The following LRRC24 variants were observed in gnomAD, a reference collection of about 807,000 sequenced individuals.
The protein encoded by LRRC24 is leucine-rich repeat-containing protein 24.
LRRC24 carries 19 observed loss-of-function variants against 15.3 expected under a neutral mutation model. That is an observed-to-expected ratio of 1.25 (90% confidence interval 0.87 to 1.83). The LOEUF is 1.83. Among genes scored for constraint, LRRC24 ranks in the 40% most tolerant of loss-of-function variants. LRRC24 has a pLI of 0.00. For synonymous variants in LRRC24, 469 were observed against 359.6 expected (o/e 1.30, Z -3.44); for missense variants, 914 against 723.9 (o/e 1.26, Z -3.01).
At position 144,523,047 on chromosome 8, in the gene LRRC24, C is replaced by G; in HGVS notation, c.970G>C (p.Asp324His). Reference sequence around the variant, plus strand: ...AGGAAGAGCATGCCGCTGCCCGTGTCGGATGCCGAGTGTCCGCCCAGGCCC... The same window carrying G: ...AGGAAGAGCATGCCGCTGCCCGTGTGGGATGCCGAGTGTCCGCCCAGGCCC... Reference protein sequence around the residue: ...LLGLGGHSASDTGSGMLFLSN... With the variant: ...LLGLGGHSASHTGSGMLFLSN... Residue 324 changes from aspartate to histidine, a missense_variant, in exon 5 of 5, where the codon GAC (aspartate) becomes CAC (histidine). By Grantham distance (81) the Asp-to-His change is moderately conservative. Transcript: ENST00000529415. The G allele has an allele frequency of 6.2e-7, 1 of 1,603,004 alleles. No homozygotes were observed. The highest frequency in any genetic ancestry group is 8.5e-7 in the Non-Finnish European group (1 of 1,176,540).
chr8:144,523,461 C>T (rs751408768), intron 4 of LRRC24, 52 bp from the exon 5 acceptor site: 9 of 1,495,688 alleles, frequency 6.0e-6, no homozygotes, highest in East Asian at 4.7e-5. Context: ...CTAAAACAGC[C>T]TGTGCAGTTG....
intron 1 of LRRC24, 124 bp downstream of exon 1, chr8:144,526,836 C>T (rs1198014890): frequency 6.6e-6 from 1 of 152,218 alleles, no homozygotes; most frequent in Non-Finnish European, 1.5e-5. Context: ...GGCGTGGCCT[C>T]CGCGTTCCCC....
In LRRC24 at chr8:144,524,939, C is replaced by A. The variant is rs770010100; in HGVS notation, c.36G>T (p.Leu12=). 48 of 1,505,770 alleles carry A rather than the reference C, an allele frequency of 3.2e-5. 1 individual carries two copies. The highest frequency in any genetic ancestry group is 4.7e-4 in the Middle Eastern group (2 of 4,284). 93.3% of individuals were successfully genotyped at this position (1,505,770 alleles called of 1,614,324 possible). ...ALRAPALLPL[L]LLLLPLRAAG... ...CGGCGCGGAGCGGCAGTAGTAGCAG[C>A]AGCAGCGGCAGCAGTGCGGGGGCCC... The change falls in exon 2 of 5, where the codon CTG becomes CTT. Residue 12 remains leucine (L), a synonymous_variant. Coordinates refer to ENST00000529415, the MANE Select transcript of LRRC24 (RefSeq NM_001024678.4).
chr8:144,522,727 G>A lies in LRRC24; in HGVS notation c.1290C>T (p.Arg430=). 1 of 1,592,632 alleles carries A rather than the reference G, an allele frequency of 6.3e-7. No individual in the cohort carries two copies. The highest frequency in any genetic ancestry group is 8.5e-7 in the Non-Finnish European group (1 of 1,171,062). The change falls in exon 5 of 5, where the codon CGC becomes CGT. Residue 430 remains arginine (R), a synonymous_variant. Transcript: ENST00000529415. ...LLVAMICRRR[R]RRKKARGPPG... ...GAGGCCCCCGCGCCTTTTTTCGCCT[G>A]CGGCGCCGGCGACAGATCATGGCGA...
chr8:144,523,812 C>T (rs1176702499), intron 4 of LRRC24: 3 of 464,412 alleles, frequency 6.5e-6, no homozygotes, highest in Non-Finnish European at 1.1e-5. Context: ...CAGTCCTGGT[C>T]AGCTGTCTCT....
At position 144,523,191 on chromosome 8, in the gene LRRC24, C is replaced by T. The variant is rs779635249; in HGVS notation, c.826G>A (p.Asp276Asn). 1.7e-5 allele frequency: 27 copies of T among 1,609,616 alleles called. No homozygotes were observed. In the African/African-American group the frequency reaches 3.3e-4, roughly 20 times the overall value. ...GAGGCTTGGCAGGCAACCCGCAGGT[C>T]CTCACCCAGGTTGGCTGTGAGCTCC... Reference protein sequence around the residue: ...PLELTANLGEDLRVACQASGY... With the variant: ...PLELTANLGENLRVACQASGY... The change falls in exon 5 of 5, where the codon GAC becomes AAC. Residue 276 changes from aspartate to asparagine, a missense_variant. Asp to Asn is a conservative substitution (Grantham distance 23, BLOSUM62 1). Coordinates refer to ENST00000529415, the MANE Select transcript of LRRC24 (RefSeq NM_001024678.4).
Position 144,522,979 on chromosome 8 carries a change from C to T in LRRC24, c.1038G>A (p.Glu346=), listed in dbSNP as rs1224048880. 7.5e-6 allele frequency: 12 copies of T among 1,591,806 alleles called. 1 individual carries two copies. The Admixed American group carries it at 1.4e-4, about 18-fold the overall frequency. ...GGGCAGCGCCGCCGGCGTTGGAGGC[C>T]TCGCACTCGTACTTACCGGCGTGCG... ...TLAHAGKYEC[E]ASNAGGAARV... Residue 346 remains glutamate (E), a synonymous_variant, in exon 5 of 5, where the codon GAG becomes GAA. Coordinates refer to ENST00000529415, the MANE Select transcript of LRRC24 (RefSeq NM_001024678.4).
intron 1 of LRRC24, 35 bp from the exon 2 acceptor site, chr8:144,525,068 C>T (rs760677666): frequency 3.8e-5 from 51 of 1,329,380 alleles, no homozygotes; most frequent in Non-Finnish European, 4.6e-5. Context: ...TCTCGGCAGT[C>T]GAGAGCCAGC....
Position 144,523,113 on chromosome 8 carries a change from C to T in LRRC24, c.904G>A (p.Gly302Ser), listed in dbSNP as rs1816193767. 1 of 1,609,644 alleles carries T rather than the reference C, an allele frequency of 6.2e-7. No homozygotes were observed. The highest frequency in any genetic ancestry group is 8.5e-7 in the Non-Finnish European group (1 of 1,179,544). ...TWRKVPQPREGRPRAQAQLEG... is the reference protein window; with the variant it reads ...TWRKVPQPRESRPRAQAQLEG... ...AGCTGGGCCTGGGCTCGCGGCCGGC[C>T]CTCGCGAGGCTGGGGCACCTTTCTC... The change falls in exon 5 of 5, where the codon GGC becomes AGC. Residue 302 changes from glycine (G) to serine (S), a missense_variant. Gly to Ser is a moderately conservative substitution (Grantham distance 56). Transcript: ENST00000529415.
intron 4 of LRRC24, chr8:144,523,847 C>T (rs916694349): frequency 6.1e-6 from 3 of 492,742 alleles, no homozygotes; most frequent in African/African-American, 5.9e-5. Flanking sequence ...TGTCTGCCTC[C>T]CCTCAGCCTA....
chr8:144,523,942 A>T, intron 4 of LRRC24, 168 bp downstream of exon 4: 1 of 760,530 alleles, frequency 1.3e-6, no homozygotes, highest in Non-Finnish European at 2.2e-6. Context: ...CCTGAGCTGT[A>T]TTCCCCAGCA....
chr8:144,524,171 C>T lies in LRRC24; in HGVS notation c.546G>A (p.Leu182=), dbSNP rs767221881. 2.4e-5 allele frequency: 39 copies of T among 1,611,096 alleles called. No homozygotes were observed. The African/African-American group carries it at 4.8e-4, about 20-fold the overall frequency. The change falls in exon 4 of 5, where the codon CTG becomes CTA. Residue 182 remains leucine, a synonymous_variant. Transcript: ENST00000529415. ...LALLDLSRNQ[L]GTISREALQP... ...GCAGGGCCTCTCGGCTGATGGTGCC[C>T]AGCTGGTTCCTGCTGAGGTCCAGCA... is the stretch of plus-strand genomic sequence containing the variant.
chr8:144,522,519 C>T lies in LRRC24; in HGVS notation c.1498G>A (p.Gly500Arg), dbSNP rs1380653351. 5.3e-6 allele frequency: 8 copies of T among 1,508,806 alleles called. No individual in the cohort carries two copies. In the East Asian group the frequency reaches 1.6e-4, roughly 31 times the overall value. The allele number at this position is 1,508,806 out of a possible 1,614,324, so 93.5% of individuals were successfully genotyped here. The change falls in exon 5 of 5, where the codon GGA (glycine) becomes AGA (arginine). Residue 500 changes from glycine to arginine, a missense_variant. Physicochemically the swap from Gly to Arg is moderately radical, Grantham distance 125. Transcript: ENST00000529415. ...DCGPEQGAGPGLRVPPPVAYE... is the reference protein window; with the variant it reads ...DCGPEQGAGPRLRVPPPVAYE... ...GCGACCGGCGGGGGCACGCGGAGTC[C>T]CGGCCCCGCCCCCTGTTCCGGGCCG...
In LRRC24 at chr8:144,525,028, G is replaced by A. The variant is rs1333573591; in HGVS notation, c.-54C>T. On this transcript the variant is annotated 5_prime_UTR_variant, in exon 2 of 5. Transcript: ENST00000529415. The stretch of plus-strand genomic sequence containing the variant: ...TTCCGCGGTTCAGCCGCAGACGCGT[G>A]CCCTCCTGAAACACAGGTTGGCAGG... The A allele has an allele frequency of 8.0e-6, 11 of 1,380,612 alleles. No homozygotes were observed. The South Asian group carries it at 1.5e-4, about 19-fold the overall frequency. 85.5% of individuals were successfully genotyped at this position (1,380,612 alleles called of 1,614,324 possible). A position where few individuals can be genotyped will look rare whatever the true frequency, so the allele number is the denominator to read the frequency against.
chr8:144,523,289 G>A lies in LRRC24; in HGVS notation c.728C>T (p.Ala243Val). ...KIMCAEPPRL[A>V]LQSLLDVSHS... is the part of the protein sequence containing the mutation. ...GGATACGTCCAGGAGACTCTGGAGC[G>A]CCAGGCGCGGGGGCTCTGCACACAT... is the stretch of plus-strand genomic sequence containing the variant. Residue 243 changes from alanine (A) to valine (V), a missense_variant, in exon 5 of 5, where the codon GCG becomes GTG. Physicochemically the swap from Ala to Val is moderately conservative, Grantham distance 64. Coordinates refer to ENST00000529415, the MANE Select transcript of LRRC24 (RefSeq NM_001024678.4). The A allele has an allele frequency of 1.2e-6, 2 of 1,610,756 alleles. No individual in the cohort carries two copies. Among genetic ancestry groups the A allele is most frequent in the Non-Finnish European group, 8.5e-7 (1 of 1,179,114 alleles).
At chr8:144,525,233 C>G in intron 1 of LRRC24, 200 bp from the exon 2 acceptor site, 1 of 354,440 alleles carries the variant, frequency 2.8e-6, no homozygotes, top group Non-Finnish European at 5.0e-6. Context: ...CTGGTGTCCT[C>G]AGTGTCTTCA....
In LRRC24 at chr8:144,522,751, G is replaced by A. The variant is rs1191976812; in HGVS notation, c.1266C>T (p.Val422=). The change falls in exon 5 of 5, where the codon GTC becomes GTT. Residue 422 remains valine (V), a synonymous_variant. Coordinates refer to ENST00000529415, the MANE Select transcript of LRRC24 (RefSeq NM_001024678.4). ...ALLALTALLL[V]AMICRRRRRR... ...TGCGGCGCCGGCGACAGATCATGGC[G>A]ACCAGGAGCAGCGCCGTGAGCGCCA... 1.4e-5 allele frequency: 22 copies of A among 1,585,240 alleles called. No individual in the cohort carries two copies. The highest frequency in any genetic ancestry group is 3.5e-5 in the Admixed American group (2 of 56,914).
rs1311068002 is a variant in LRRC24, at chr8:144,522,598, G to A, written c.1419C>T (p.Ile473=). 5.1e-6 allele frequency: 8 copies of A among 1,566,624 alleles called. No homozygotes were observed. In the Admixed American group the frequency reaches 5.5e-5, roughly 11 times the overall value. ...RDERGHEMFV[I]NRSKPLFAEG... is the part of the protein sequence containing the mutation. ...CGGCGAAGAGCGGCTTGGAGCGGTT[G>A]ATGACGAACATCTCGTGGCCGCGCT... Residue 473 remains isoleucine, a synonymous_variant, in exon 5 of 5, where the codon ATC becomes ATT. Transcript: ENST00000529415.
rs778364336 is a variant in LRRC24, at chr8:144,522,824, G to T, written c.1193C>A (p.Ala398Asp). 25 of 1,473,710 alleles carry T rather than the reference G, an allele frequency of 1.7e-5. 1 individual carries two copies. In the South Asian group the frequency reaches 2.4e-4, roughly 14 times the overall value. The allele number at this position is 1,473,710 out of a possible 1,614,324, so 91.3% of individuals were successfully genotyped here. ...RPEAGSMAFR[A>D]LGVATQTAIA... is the part of the protein sequence containing the mutation. ...GGCCGTCTGTGTGGCCACGCCCAGG[G>T]CGCGGAAGGCCATGCTGCCCGCCTC... Residue 398 changes from alanine to aspartate, a missense_variant, in exon 5 of 5, where the codon GCC becomes GAC. Physicochemically the swap from Ala to Asp is moderately radical, Grantham distance 126. Coordinates refer to ENST00000529415, the MANE Select transcript of LRRC24 (RefSeq NM_001024678.4).
Sources: gnomAD v4.1 joint callset for allele counts on GRCh38, gnomAD v4.1.1 for gene constraint, MANE v1.5 for transcripts, NCBI Gene and HGNC (gene_info 2026-07-23, HGNC 2026-07-21) for gene names.